ZNF451: variants seen among roughly 807,000 people sequenced by gnomAD.
ZNF451 encodes the protein zinc finger protein 451.
Under a neutral mutation model 107.1 loss-of-function variants are expected in ZNF451, and 80 were observed. The ratio of observed to expected loss-of-function variants is 0.75; its 90% CI spans 0.62 to 0.90. The LOEUF is 0.90. Ranked by LOEUF, ZNF451 falls within the 40% of genes least tolerant of loss-of-function variation. ZNF451 has a pLI of 0.00. For missense variants in ZNF451, 1,107 were observed against 1,236.2 expected, an observed-to-expected ratio of 0.90 and a Z score of 1.57; for synonymous variants, 362 against 406.5, an observed-to-expected ratio of 0.89 and a Z score of 1.32.
chr6:57,147,777 T>A lies in ZNF451; in HGVS notation c.1692T>A (p.Asp564Glu). ...GACACAGATATTTTTATGAGATGGA[T>A]GAGGTAGAAGGTGAAACTTTGCCAT... The part of the protein sequence containing the change: ...HNGHRYFYEM[D>E]EVEGETLPSS... The change falls in exon 10 of 15, where the codon GAT becomes GAA. Residue 564 changes from aspartate to glutamate, a missense_variant. Physicochemically the swap from Asp to Glu is conservative, Grantham distance 45. Around this residue, in one of 5 missense-constraint regions of ZNF451, gnomAD observed 608 missense variants for 649.2 expected, o/e 0.94. Transcript: ENST00000370706. 1 of 1,613,866 alleles carries A rather than the reference T, an allele frequency of 6.2e-7. No homozygotes were observed. Among genetic ancestry groups the A allele is most frequent in the African/African-American group, 1.3e-5 (1 of 75,052 alleles).
intron 4 of ZNF451, among the ~76,000 whole-genome samples, chr6:57,127,137 C>T (rs1191594914): frequency 6.6e-6 from 1 of 151,960 alleles, no homozygotes; most frequent in Non-Finnish European, 1.5e-5. Flanking sequence ...TTGTTTGTTT[C>T]TTATTGCATG....
At chr6:57,113,807 G>T (rs953922382) in intron 3 of ZNF451, among the ~76,000 whole-genome samples, 2 of 151,966 alleles carry the variant, frequency 1.3e-5, no homozygotes, top group African/African-American at 4.8e-5. Context: ...ATTTTTAGTA[G>T]AGATGGGGTT....
intron 13 of ZNF451, among the ~76,000 whole-genome samples, chr6:57,159,736 T>G (rs1763587742): frequency 6.6e-6 from 1 of 152,114 alleles, no homozygotes; most frequent in Non-Finnish European, 1.5e-5. Flanking sequence ...ATATTTGAAG[T>G]ATTTTGCTGG....
intron 7 of ZNF451, among the ~76,000 whole-genome samples, chr6:57,138,294 G>T (rs1176135956): frequency 6.7e-6 from 1 of 149,572 alleles, no homozygotes; most frequent in Non-Finnish European, 1.5e-5. Flanking sequence ...ACGGAGCCTC[G>T]CTGTCTTGTG....
In ZNF451 at chr6:57,147,685, C is replaced by T. The variant is rs938286631; in HGVS notation, c.1600C>T (p.Arg534Trp). ...AHLNNFLFWC[R>W]TCKKELTRKD... Reference sequence around the variant, plus strand: ...TTTAAATAACTTTCTTTTCTGGTGTCGGACATGCAAAAAGGAGTTAACAAG... The same window carrying T: ...TTTAAATAACTTTCTTTTCTGGTGTTGGACATGCAAAAAGGAGTTAACAAG... Residue 534 changes from arginine (R) to tryptophan (W), a missense_variant, in exon 10 of 15, where the codon CGG becomes TGG. Physicochemically the swap from Arg to Trp is moderately radical, Grantham distance 101. Around this residue, in one of 5 missense-constraint regions of ZNF451, gnomAD observed 608 missense variants for 649.2 expected, o/e 0.94. Coordinates refer to ENST00000370706, the MANE Select transcript of ZNF451 (RefSeq NM_001031623.3). 66 of 1,613,826 alleles carry T rather than the reference C, an allele frequency of 4.1e-5. No individual in the cohort carries two copies. Among genetic ancestry groups the T allele is most frequent in the Admixed American group, 1.7e-4 (10 of 59,976 alleles).
chr6:57,103,750 G>T (rs760064214), intron 3 of ZNF451: 5 of 984,904 alleles, frequency 5.1e-6, no homozygotes, highest in South Asian at 9.4e-5. Context: ...ACTGTTTTAC[G>T]GTTTATGTGG....
chr6:57,142,015 C>T lies in ZNF451; in HGVS notation c.924C>T (p.Cys308=), dbSNP rs1831790304. ...CAAAGAAACTTTTGATCTCTCTGTG[C>T]AAAGATGTTCCCTTTCAAGTTAAGT... ...SFAKKLLISL[C]KDVPFQVKCV... The change falls in exon 9 of 15, where the codon TGC becomes TGT. Residue 308 remains cysteine (C), a synonymous_variant. Transcript: ENST00000370706. The T allele has an allele frequency of 6.2e-7, 1 of 1,613,954 alleles. No individual in the cohort carries two copies. Among genetic ancestry groups the T allele is most frequent in the Non-Finnish European group, 8.5e-7 (1 of 1,179,956 alleles).
chr6:57,131,954 G>A (rs754926927), intron 5 of ZNF451, among the ~76,000 whole-genome samples: 16 of 152,112 alleles, frequency 1.1e-4, no homozygotes, highest in Non-Finnish European at 1.8e-4. Flanking sequence ...GAGTTGCCCC[G>A]AGGACATTTG....
chr6:57,136,902 C>T (rs1310118322), intron 7 of ZNF451, among the ~76,000 whole-genome samples: 2 of 152,084 alleles, frequency 1.3e-5, no homozygotes, highest in Non-Finnish European at 2.9e-5. Flanking sequence ...TGACCTTCAG[C>T]GTTCTGAAAA....
chr6:57,141,458 A>C lies in ZNF451; in HGVS notation c.856+3A>C. 2 of 1,607,766 alleles carry C rather than the reference A, an allele frequency of 1.2e-6. No individual in the cohort carries two copies. The highest frequency in any genetic ancestry group is 1.7e-6 in the Non-Finnish European group (2 of 1,176,396). On this transcript the variant is annotated splice_donor_region_variant and intron_variant, in intron 8 of 14. Transcript: ENST00000370706. ...CCATCAGAGTTTCAAACTGGGTGGT[A>C]TGTTAATACTCTCTTCTGCTGAAAA...
intron 14 of ZNF451, among the ~76,000 whole-genome samples, chr6:57,161,760 TCTCAG>T (rs1443746569): frequency 2.0e-5 from 3 of 152,180 alleles, no homozygotes; most frequent in Non-Finnish European, 4.4e-5. Context: ...AGTGGTACAA[TCTCAG>T]CTCACTGCAA....
At chr6:57,155,117 C>T (rs534866140) in intron 13 of ZNF451, among the ~76,000 whole-genome samples, 92 of 152,228 alleles carry the variant, frequency 6.0e-4, no homozygotes, top group Admixed American at 9.2e-4. Flanking sequence ...GTATTATCTT[C>T]CTATTCTGTA....
At chr6:57,154,329 T>G in intron 13 of ZNF451, 1 of 478,922 alleles carries the variant, frequency 2.1e-6, no homozygotes, top group South Asian at 4.5e-5. Flanking sequence ...TTACAGTATG[T>G]TACTACAATT....
In ZNF451 at chr6:57,091,674, G is replaced by A. The variant is rs1435704050; in HGVS notation, c.105+780G>A. Among the ~76,000 whole-genome samples, 14 of 152,286 alleles carry A rather than the reference G, an allele frequency of 9.2e-5. No homozygotes were observed. In the East Asian group the frequency reaches 2.7e-3, roughly 29 times the overall value. On this transcript the variant is annotated intron_variant, in intron 2 of 14. Transcript: ENST00000370706. ...TATTGGAGTTTTAGAAAGGCTTTGC[G>A]TAAAGTGGTATCTCAGCTCGCCAGG...
Position 57,147,875 on chromosome 6 carries a change from CG to C in ZNF451, c.1792del (p.Ala598GlnfsTer24), listed in dbSNP as rs1393975570. 1 of 1,613,968 alleles carries C rather than the reference CG, an allele frequency of 6.2e-7. No homozygotes were observed. Among genetic ancestry groups the C allele is most frequent in the Non-Finnish European group, 8.5e-7 (1 of 1,179,978 alleles). On this transcript the variant is annotated frameshift_variant, in exon 10 of 15. Coordinates refer to ENST00000370706, the MANE Select transcript of ZNF451 (RefSeq NM_001031623.3). LOFTEE classifies it high-confidence loss of function. ...GCTATTACTGTTATTGATCATTCCC[CG>C]GCAAATAGTTCTCCGAGGGGTAAAT... is the stretch of plus-strand genomic sequence containing the variant. ...SSAITVIDHS[P>X]ANSSPRGKWQ... is the part of the protein sequence containing the mutation.
At chr6:57,135,992 G>T (rs1000910733) in intron 7 of ZNF451, among the ~76,000 whole-genome samples, 1 of 152,120 alleles carries the variant, frequency 6.6e-6, no homozygotes, top group Non-Finnish European at 1.5e-5. Flanking sequence ...ATTAAAGCTT[G>T]CATTCTAAGT....
chr6:57,098,344 C>T (rs1219514398), intron 2 of ZNF451, among the ~76,000 whole-genome samples: 1 of 151,724 alleles, frequency 6.6e-6, no homozygotes, highest in Non-Finnish European at 1.5e-5. Context: ...AATAATCAAT[C>T]TCTTTTAGTT....
chr6:57,096,485 C>T (rs1243099502), intron 2 of ZNF451, among the ~76,000 whole-genome samples: 2 of 151,112 alleles, frequency 1.3e-5, no homozygotes, highest in Non-Finnish European at 2.9e-5. Context: ...CGTGCCCAGC[C>T]TGTTTATCTT....
chr6:57,167,182 T>TACACACAC (rs397975599), intron 14 of ZNF451, among the ~76,000 whole-genome samples: 1 of 149,836 alleles, frequency 6.7e-6, no homozygotes, highest in South Asian at 2.1e-4. Context: ...CGTATATATA[T>TACACACAC]ACACACACAC....
Sources: gnomAD v4.1 joint callset for allele counts (sites outside exome capture counted in the v4.1 genomes callset) on GRCh38, gnomAD v4.1.1 for gene constraint, gnomAD v4.1.1 regional missense constraint, MANE v1.5 for transcripts, NCBI Gene and HGNC (gene_info 2026-07-23, HGNC 2026-07-21) for gene names.